COL11A1: variants seen among roughly 807,000 people sequenced by gnomAD.
The protein encoded by COL11A1 is collagen alpha-1(XI) chain.
COL11A1 carries 74 observed loss-of-function variants against 265.2 expected under a neutral mutation model. The observed-to-expected ratio is 0.28, with a 90% CI of 0.23 to 0.34. COL11A1 has a LOEUF of 0.34. Among genes scored for constraint, COL11A1 ranks in the 10% least tolerant of loss-of-function variants. COL11A1 has a pLI of 1.00. For missense variants in COL11A1, 2,165 were observed against 2,263.6 expected, an observed-to-expected ratio of 0.96 and a Z score of 0.88; for synonymous variants, 816 against 727.6, an observed-to-expected ratio of 1.12 and a Z score of -1.96.
At chr1:102,932,334 T>C (rs1020407272) in intron 46 of COL11A1, among the ~76,000 whole-genome samples, 39 of 152,306 alleles carry the variant, frequency 2.6e-4, no homozygotes, top group Non-Finnish European at 5.0e-4. Context: ...AAGGATTTTA[T>C]TTCTCCTTCA....
chr1:103,025,641 T>C (rs1667451466), intron 6 of COL11A1, 28 bp from the exon 7 acceptor site: 3 of 1,596,962 alleles, frequency 1.9e-6, no homozygotes, highest in African/African-American at 2.7e-5. Context: ...AGAGAATTAG[T>C]AAACATGTAA....
rs368006756 is a variant in COL11A1, at chr1:103,021,818, C to A, written c.1246-49G>T. Reference sequence around the variant, plus strand: ...AGCCTAAATGTCTGTAAGACCATTTCTTTCTTTCTTTCTTTTCTTCTTTTT... The same window carrying A: ...AGCCTAAATGTCTGTAAGACCATTTATTTCTTTCTTTCTTTTCTTCTTTTT... On this transcript the variant is annotated intron_variant, in intron 8 of 66. Coordinates refer to ENST00000370096, the MANE Select transcript of COL11A1 (RefSeq NM_001854.4). The A allele has an allele frequency of 1.5e-5, 18 of 1,196,908 alleles. No individual in the cohort carries two copies. The South Asian group carries it at 1.5e-4, about 10-fold the overall frequency. The allele number at this position is 1,196,908 out of a possible 1,614,324, so 74.1% of individuals were successfully genotyped here. A position where few individuals can be genotyped will look rare whatever the true frequency, so the allele number is the denominator to read the frequency against.
chr1:102,915,565 T>C, intron 50 of COL11A1, 66 bp downstream of exon 50: 1 of 1,360,060 alleles, frequency 7.4e-7, no homozygotes, highest in Non-Finnish European at 1.1e-6. Flanking sequence ...TGTTACATGT[T>C]TGTAATGCTG....
chr1:102,989,636 G>A (rs1292629172), intron 28 of COL11A1, 65 bp from the exon 29 acceptor site: 13 of 1,151,586 alleles, frequency 1.1e-5, no homozygotes, highest in Admixed American at 1.9e-5. Flanking sequence ...CTAAAATATT[G>A]CTATAAAAAT....
intron 63 of COL11A1, among the ~76,000 whole-genome samples, chr1:102,886,433 AAAT>A (rs1650989313): frequency 6.6e-6 from 1 of 152,280 alleles, no homozygotes; most frequent in African/African-American, 2.4e-5. Context: ...TATTAATCTA[AAAT>A]AATAATCATA....
At chr1:102,919,814 T>C (rs1252875386) in intron 49 of COL11A1, among the ~76,000 whole-genome samples, 2 of 152,048 alleles carry the variant, frequency 1.3e-5, no homozygotes, top group Non-Finnish European at 2.9e-5. Flanking sequence ...GGTCAGAGTA[T>C]TCGTAATGAA....
chr1:102,976,457 C>T (rs1466219949), intron 35 of COL11A1, among the ~76,000 whole-genome samples: 4 of 151,854 alleles, frequency 2.6e-5, no homozygotes, highest in Non-Finnish European at 4.4e-5. Flanking sequence ...CACCACCATG[C>T]CCAGCTAATT....
Position 103,012,584 on chromosome 1 carries a change from A to T in COL11A1, c.1573-115T>A, listed in dbSNP as rs149985700. 2.7e-4 allele frequency: 212 copies of T among 783,310 alleles called. No homozygotes were observed. The African/African-American group carries it at 3.0e-3, about 11-fold the overall frequency. The allele number at this position is 783,310 out of a possible 1,614,324, so 48.5% of individuals were successfully genotyped here. ...AATACATGATCAACACAGATTTAAT[A>T]ACTACATGCTAGAAAGAGTGTCAGG... On this transcript the variant is annotated intron_variant, in intron 13 of 66. Coordinates refer to ENST00000370096, the MANE Select transcript of COL11A1 (RefSeq NM_001854.4).
chr1:103,097,973 C>T (rs1316492550), intron 1 of COL11A1, among the ~76,000 whole-genome samples: 1 of 151,824 alleles, frequency 6.6e-6, no homozygotes, highest in Non-Finnish European at 1.5e-5. Context: ...AAAATGGCAT[C>T]ACAACTCTGA....
chr1:102,971,199 A>G (rs1661951817), intron 36 of COL11A1, among the ~76,000 whole-genome samples: 1 of 152,308 alleles, frequency 6.6e-6, no homozygotes, highest in South Asian at 2.1e-4. Flanking sequence ...AATGTTTGTG[A>G]AGTACCACAG....
rs1479781997 is a variant in COL11A1 at position 102,883,214 on chromosome 1, G to A, written c.4956C>T (p.Asp1652=). 6.2e-7 allele frequency: 1 copy of A among 1,610,730 alleles called. No individual in the cohort carries two copies. The highest frequency in any genetic ancestry group is 8.5e-7 in the Non-Finnish European group (1 of 1,177,218). ...TGGTACTTACTCCCTCAGATTTTTT[G>A]TCTGGATAAATGCAAGTCTCACCAC... ...TSGGETCIYP[D]KKSEGVRISS... Residue 1652 remains aspartate (D), a synonymous_variant, in exon 64 of 67, where the codon GAC becomes GAT. Coordinates refer to ENST00000370096, the MANE Select transcript of COL11A1 (RefSeq NM_001854.4).
intron 1 of COL11A1, among the ~76,000 whole-genome samples, chr1:103,090,185 C>T (rs1024998973): frequency 6.6e-6 from 1 of 151,720 alleles, no homozygotes; most frequent in Admixed American, 6.6e-5. Context: ...AATAAAGTAG[C>T]CTTCCTAATG....
intron 4 of COL11A1, among the ~76,000 whole-genome samples, chr1:103,046,799 G>C (rs1669309221): frequency 6.6e-6 from 1 of 151,164 alleles, no homozygotes; most frequent in African/African-American, 2.4e-5. Context: ...GTAAGGAAGG[G>C]ATCCAGTTTC....
Position 102,883,272 on chromosome 1 carries a change from T to C in COL11A1, c.4898A>G (p.Asp1633Gly). Reference protein sequence around the residue: ...WIDPNQGCSGDSFKVYCNFTS... With the variant: ...WIDPNQGCSGGSFKVYCNFTS... The stretch of plus-strand genomic sequence containing the variant: ...GAAATTACAGTAAACTTTGAAGGAA[T>C]CTCCTGAGCAACCTTGGTTAGGATC... Residue 1633 changes from aspartate to glycine, a missense_variant, in exon 64 of 67, where the codon GAT (aspartate) becomes GGT (glycine). Transcript: ENST00000370096. 6.2e-7 allele frequency: 1 copy of C among 1,613,490 alleles called. No individual in the cohort carries two copies. Among genetic ancestry groups the C allele is most frequent in the Non-Finnish European group, 8.5e-7 (1 of 1,179,684 alleles).
At chr1:102,908,044 T>TG (rs1654198725) in intron 54 of COL11A1, among the ~76,000 whole-genome samples, 1 of 152,094 alleles carries the variant, frequency 6.6e-6, no homozygotes, top group African/African-American at 2.4e-5. Flanking sequence ...ATCTTCACTG[T>TG]TTTTTGAAAA....
intron 15 of COL11A1, among the ~76,000 whole-genome samples, 163 bp from the exon 16 acceptor site, chr1:103,006,478 G>C (rs1236657303): frequency 7.3e-6 from 1 of 137,494 alleles, no homozygotes; most frequent in African/African-American, 2.6e-5. Context: ...TAAAGCAGAA[G>C]ACAAAAGGTT....
At chr1:103,101,343 T>A (rs1220732329) in intron 1 of COL11A1, among the ~76,000 whole-genome samples, 1 of 152,014 alleles carries the variant, frequency 6.6e-6, no homozygotes, top group Non-Finnish European at 1.5e-5. Context: ...AGCAGTAGGT[T>A]GAGCTCCACT....
intron 42 of COL11A1, among the ~76,000 whole-genome samples, chr1:102,941,460 A>C (rs931173130): frequency 1.3e-5 from 2 of 152,210 alleles, no homozygotes; most frequent in Admixed American, 1.3e-4. Context: ...TTCATGGCTT[A>C]GGGCAGCCTA....
At chr1:102,897,553 C>T (rs1378756907) in intron 57 of COL11A1, among the ~76,000 whole-genome samples, 1 of 151,986 alleles carries the variant, frequency 6.6e-6, no homozygotes, top group African/African-American at 2.4e-5. Flanking sequence ...GCCTCAGATC[C>T]TATAATAAAC....
Sources: gnomAD v4.1 joint callset for allele counts (sites outside exome capture counted in the v4.1 genomes callset) on GRCh38, gnomAD v4.1.1 for gene constraint, MANE v1.5 for transcripts, NCBI Gene and HGNC (gene_info 2026-07-23, HGNC 2026-07-21) for gene names.